BOC: variants seen among roughly 807,000 people sequenced by gnomAD.
BOC encodes the protein brother of CDO.
BOC carries 76 observed loss-of-function variants against 112.0 expected under a neutral mutation model. That is an observed-to-expected ratio of 0.68 (90% CI 0.56 to 0.82). The LOEUF (loss-of-function observed/expected upper bound fraction) is 0.82. Among genes scored for constraint, BOC ranks in the 40% least tolerant of loss-of-function variants. The pLI, the probability that BOC is intolerant of heterozygous loss-of-function variation, is 0.00. For missense variants in BOC, 1,309 were observed against 1,511.7 expected, an observed-to-expected ratio of 0.87 and a Z score of 2.22; for synonymous variants, 580 against 599.8, an observed-to-expected ratio of 0.97 and a Z score of 0.48.
chr3:113,270,543 G>A (rs867359144), intron 5 of BOC: 28 of 455,222 alleles, frequency 6.2e-5, no homozygotes, highest in African/African-American at 5.1e-4. Flanking sequence ...GCACTAAGTT[G>A]TGGCAGTTAG....
chr3:113,238,341 G>A (rs562809176), intron 2 of BOC, among the ~76,000 whole-genome samples: 1 of 152,298 alleles, frequency 6.6e-6, no homozygotes, highest in Non-Finnish European at 1.5e-5. Context: ...ATCATACTCA[G>A]ATGGGGAGCA....
chr3:113,216,186 G>A lies in BOC; in HGVS notation c.-169-1G>A, dbSNP rs974533764. 4.4e-6 allele frequency: 2 copies of A among 452,636 alleles called. No individual in the cohort carries two copies. The highest frequency in any genetic ancestry group is 4.0e-5 in the African/African-American group (2 of 49,858). The allele number at this position is 452,636 out of a possible 1,614,324, so 28.0% of individuals were successfully genotyped here. A position where few individuals can be genotyped will look rare whatever the true frequency, so the allele number is the denominator to read the frequency against. The stretch of plus-strand genomic sequence containing the variant: ...GATGAGATAATTCTCTTTTTCCTCA[G>A]TTTCAGAACAAGCTTCCTGGAACCC... On this transcript the variant is annotated splice_acceptor_variant, in intron 1 of 19. Coordinates refer to ENST00000682979, the MANE Select transcript of BOC (RefSeq NM_001378074.1). LOFTEE classifies it low-confidence loss of function (5UTR_SPLICE).
chr3:113,243,842 G>A (rs1005578172), intron 2 of BOC, among the ~76,000 whole-genome samples: 1 of 152,156 alleles, frequency 6.6e-6, no homozygotes, highest in African/African-American at 2.4e-5. Flanking sequence ...ACTTCACATT[G>A]GTGACTGAAC....
Position 113,281,117 on chromosome 3 carries a change from A to C in BOC, c.2398A>C (p.Ser800Arg). Residue 800 changes from serine to arginine, a missense_variant, in exon 15 of 20, where the codon AGC becomes CGC. Transcript: ENST00000682979. The part of the protein sequence containing the change: ...KMQCFNEGGE[S>R]EFSNVMICET... ...GCAGTGCTTCAATGAAGGAGGGGAG[A>C]GCGAGTTCAGCAACGTGATGATCTG... The C allele has an allele frequency of 6.2e-7, 1 of 1,614,048 alleles. No homozygotes were observed. Among genetic ancestry groups the C allele is most frequent in the Non-Finnish European group, 8.5e-7 (1 of 1,179,960 alleles).
rs746230175 is a variant in BOC, at chr3:113,279,237, G to C, written c.1817-12G>C. The C allele has an allele frequency of 1.9e-6, 3 of 1,611,044 alleles. No homozygotes were observed. The highest frequency in any genetic ancestry group is 2.2e-5 in the South Asian group (2 of 90,966). On this transcript the variant is annotated splice_polypyrimidine_tract_variant and intron_variant, in intron 11 of 19. Transcript: ENST00000682979. ...CCCTGCTTCCTTCCTCACTGGATAC[G>C]GTCTTTCCCAGCCCCAGAAGCTCCC...
intron 2 of BOC, among the ~76,000 whole-genome samples, chr3:113,223,014 G>A (rs1941022158): frequency 1.3e-5 from 2 of 152,258 alleles, no homozygotes. Flanking sequence ...ACATTGGGAT[G>A]TTCACCCAGA....
rs75962916 is a variant in BOC, at chr3:113,276,158, A to G, written c.1542+1476A>G. ...AAAGATCAGGGCAGGCCAAACGCCC[A>G]TGGTTCCCAGGAGACAAAACCCAGC... On this transcript the variant is annotated intron_variant, in intron 9 of 19. Coordinates refer to ENST00000682979, the MANE Select transcript of BOC (RefSeq NM_001378074.1). 4.5e-3 allele frequency among the ~76,000 whole-genome samples: 679 copies of G among 152,326 alleles called. 8 individuals are homozygous for G. The highest frequency in any genetic ancestry group is 0.016 in the African/African-American group (653 of 41,568).
At chr3:113,255,634 C>T (rs1275220197) in intron 4 of BOC, among the ~76,000 whole-genome samples, 1 of 152,066 alleles carries the variant, frequency 6.6e-6, no homozygotes, top group African/African-American at 2.4e-5. Context: ...AAGCTGCAGC[C>T]GGTATAATTG....
rs1948887743 is a variant in BOC, at chr3:113,278,648, C to T, written c.1706-25C>T. On this transcript the variant is annotated intron_variant, in intron 10 of 19. Coordinates refer to ENST00000682979, the MANE Select transcript of BOC (RefSeq NM_001378074.1). The surrounding 1 kb of genome is among the most constrained non-coding windows in gnomAD (Gnocchi z 4.2). The stretch of plus-strand genomic sequence containing the variant: ...GATCTCATGCCTGCTTCCTCCCTTG[C>T]TGACTACAACCCATTTCCACCCAGG... The T allele has an allele frequency of 1.3e-6, 2 of 1,542,268 alleles. No individual in the cohort carries two copies. Among genetic ancestry groups the T allele is most frequent in the Non-Finnish European group, 1.8e-6 (2 of 1,138,184 alleles).
chr3:113,212,113 G>C (rs1294545793), intron 1 of BOC, 97 bp downstream of exon 1: 1 of 151,590 alleles, frequency 6.6e-6, no homozygotes, highest in East Asian at 1.9e-4. Flanking sequence ...CGCAGGCCGA[G>C]GCAGCGCCAG....
At chr3:113,253,281 A>G (rs1271712578) in intron 4 of BOC, among the ~76,000 whole-genome samples, 2 of 152,198 alleles carry the variant, frequency 1.3e-5, no homozygotes, top group Non-Finnish European at 2.9e-5. Flanking sequence ...AATGCATACC[A>G]GGTCTGGCAC....
chr3:113,214,985 T>C (rs921410025), intron 1 of BOC, among the ~76,000 whole-genome samples: 1 of 152,250 alleles, frequency 6.6e-6, no homozygotes, highest in Non-Finnish European at 1.5e-5. Context: ...TGTGCATGCA[T>C]ACTTTTGACA....
chr3:113,233,248 AAGAC>A (rs1296092489), intron 2 of BOC, among the ~76,000 whole-genome samples: 2 of 143,554 alleles, frequency 1.4e-5, no homozygotes, highest in Non-Finnish European at 3.0e-5. Flanking sequence ...GCCCCAGAGA[AAGAC>A]AGGCCAAGAT....
At chr3:113,226,992 A>G (rs1941772090) in intron 2 of BOC, among the ~76,000 whole-genome samples, 1 of 152,182 alleles carries the variant, frequency 6.6e-6, no homozygotes, top group South Asian at 2.1e-4. Flanking sequence ...CTAGTTTCTG[A>G]ATATTTCTCA....
intron 2 of BOC, among the ~76,000 whole-genome samples, chr3:113,237,813 T>C (rs1261991714): frequency 6.6e-6 from 1 of 152,220 alleles, no homozygotes; most frequent in East Asian, 1.9e-4. Context: ...CACATGTCCT[T>C]GGTCAGGCTA....
chr3:113,251,773 C>G (rs954373623), intron 4 of BOC: 82 of 152,262 alleles, frequency 5.4e-4, no homozygotes, highest in African/African-American at 1.8e-3. Flanking sequence ...GTCCTAATAA[C>G]CGCTCTTATT....
intron 4 of BOC, among the ~76,000 whole-genome samples, chr3:113,260,669 G>GAAC (rs1946723594): frequency 1.6e-5 from 1 of 64,266 alleles, no homozygotes; most frequent in African/African-American, 5.5e-5. Context: ...GAATAGAATA[G>GAAC]AACAGAACAG....
intron 2 of BOC, among the ~76,000 whole-genome samples, chr3:113,235,155 A>G (rs1357079428): frequency 6.6e-6 from 1 of 152,212 alleles, no homozygotes; most frequent in Non-Finnish European, 1.5e-5. Flanking sequence ...CTGTCCACCC[A>G]GGCTTTAAAC....
At chr3:113,212,972 G>C (rs902249155) in intron 1 of BOC, among the ~76,000 whole-genome samples, 2 of 152,180 alleles carry the variant, frequency 1.3e-5, no homozygotes, top group Admixed American at 6.5e-5. Context: ...AGGGATGAGA[G>C]AGGCAGGCAG....
Sources: gnomAD v4.1 joint callset for allele counts (sites outside exome capture counted in the v4.1 genomes callset) on GRCh38, gnomAD v4.1.1 for gene constraint, Gnocchi (gnomAD v3.1) non-coding constraint, MANE v1.5 for transcripts, NCBI Gene and HGNC (gene_info 2026-07-23, HGNC 2026-07-21) for gene names.